PCDH7: variants seen among roughly 807,000 people sequenced by gnomAD.
PCDH7 encodes the protein protocadherin-7.
A neutral mutation model predicts 58.9 loss-of-function variants in PCDH7; 17 were observed. That is an observed-to-expected ratio of 0.29 (90% confidence interval 0.20 to 0.43). The LOEUF (loss-of-function observed/expected upper bound fraction) is 0.43. PCDH7 is among the 20% of genes least tolerant of loss of function. The pLI is 1.00. For missense variants in PCDH7, 1,274 were observed against 1,441.0 expected, an observed-to-expected ratio of 0.88 and a Z score of 1.88; for synonymous variants, 664 against 616.4, an observed-to-expected ratio of 1.08 and a Z score of -1.14.
chr4:31,113,784 T>C (rs1209096462), intron 3 of PCDH7, among the ~76,000 whole-genome samples: 1 of 151,938 alleles, frequency 6.6e-6, no homozygotes, highest in Non-Finnish European at 1.5e-5. Flanking sequence ...CTTTTAATGT[T>C]AACATTTAAT....
Position 30,723,409 on chromosome 4 carries a change from G to A in PCDH7, c.1987G>A (p.Val663Met), listed in dbSNP as rs755434379. The A allele has an allele frequency of 1.4e-5, 23 of 1,614,096 alleles. No homozygotes were observed. The highest frequency in any genetic ancestry group is 9.9e-5 in the South Asian group (9 of 91,090). The stretch of plus-strand genomic sequence containing the variant: ...CAACAGCCCTGTGGGGATGGTCACC[G>A]TGATGGATGCTGACAAGGGGCGGAA... The change falls in exon 1 of 2, where the codon GTG becomes ATG. Residue 663 changes from valine to methionine, a missense_variant. This residue lies in a region of PCDH7 where 731 missense variants were observed against 881.9 expected (regional missense o/e 0.83). Coordinates refer to ENST00000361762, the Ensembl canonical transcript of PCDH7. This position sits in a 1 kb window ranked among gnomAD's most constrained non-coding sequence, Gnocchi z 4.6.
At chr4:30,957,820 A>G (rs537007125) in intron 3 of PCDH7, among the ~76,000 whole-genome samples, 2 of 152,246 alleles carry the variant, frequency 1.3e-5, no homozygotes, top group African/African-American at 4.8e-5. Flanking sequence ...CATGGAAATC[A>G]ATGGAAAAAG....
At chr4:30,747,924 T>A (rs1391319079) in intron 1 of PCDH7, among the ~76,000 whole-genome samples, 2 of 152,188 alleles carry the variant, frequency 1.3e-5, no homozygotes, top group Non-Finnish European at 2.9e-5. Flanking sequence ...AATCTCAACA[T>A]TTTATTACTG....
At chr4:31,129,952 G>A (rs965895712) in intron 3 of PCDH7, among the ~76,000 whole-genome samples, 2 of 151,718 alleles carry the variant, frequency 1.3e-5, no homozygotes, top group Non-Finnish European at 2.9e-5. Context: ...ATTAGGTACA[G>A]TTTTCTGCTA....
intron 2 of PCDH7, among the ~76,000 whole-genome samples, chr4:30,923,789 T>C (rs570690328): frequency 8.5e-4 from 130 of 152,306 alleles, no homozygotes; most frequent in African/African-American, 3.1e-3. Flanking sequence ...TATGATAATT[T>C]CATGCTAATC....
intron 1 of PCDH7, among the ~76,000 whole-genome samples, chr4:30,774,210 G>A (rs1267002878): frequency 1.3e-5 from 2 of 152,014 alleles, no homozygotes; most frequent in Non-Finnish European, 2.9e-5. Context: ...ATATTCCCAA[G>A]AGGATACTTG....
chr4:30,891,966 A>G (rs1205819223), intron 1 of PCDH7, among the ~76,000 whole-genome samples: 1 of 151,988 alleles, frequency 6.6e-6, no homozygotes, highest in East Asian at 1.9e-4. Flanking sequence ...TATAGATAGG[A>G]AAAAGAGAGA....
chr4:30,840,591 A>G (rs1199633795), intron 1 of PCDH7, among the ~76,000 whole-genome samples: 1 of 152,162 alleles, frequency 6.6e-6, no homozygotes, highest in Non-Finnish European at 1.5e-5. Context: ...AATAATGAGA[A>G]AAAAAATGGA....
Position 30,723,900 on chromosome 4 carries a change from G to C in PCDH7, c.2478G>C (p.Gln826His). 1 of 1,613,850 alleles carries C rather than the reference G, an allele frequency of 6.2e-7. No homozygotes were observed. The highest frequency in any genetic ancestry group is 8.5e-7 in the Non-Finnish European group (1 of 1,180,008). Residue 826 changes from glutamine to histidine, a missense_variant, in exon 1 of 2, where the codon CAG (glutamine) becomes CAC (histidine). Coordinates refer to ENST00000361762, the Ensembl canonical transcript of PCDH7. This position sits in a 1 kb window ranked among gnomAD's most constrained non-coding sequence, Gnocchi z 4.6. Reference sequence around the variant, plus strand: ...TGGTGCAAGTGAATGACAGTGGGCAGCCTTCCCAGTCCACCACGACTCTGG... The same window carrying C: ...TGGTGCAAGTGAATGACAGTGGGCACCCTTCCCAGTCCACCACGACTCTGG...
chr4:30,773,229 T>G (rs1161063911), intron 1 of PCDH7, among the ~76,000 whole-genome samples: 1 of 152,222 alleles, frequency 6.6e-6, no homozygotes, highest in Admixed American at 6.5e-5. Context: ...GTGAAGAATT[T>G]CTTGCTAAAA....
intron 1 of PCDH7, among the ~76,000 whole-genome samples, chr4:30,808,904 T>G (rs1726609645): frequency 6.6e-6 from 1 of 152,170 alleles, no homozygotes; most frequent in African/African-American, 2.4e-5. Context: ...TCTTCATCAG[T>G]GACTAATTGC....
intron 1 of PCDH7, among the ~76,000 whole-genome samples, chr4:30,773,627 G>A (rs1721700252): frequency 6.6e-6 from 1 of 152,036 alleles, no homozygotes. Context: ...TTCCACTGAA[G>A]AATCATGGTG....
At chr4:30,974,178 TTC>T in intron 3 of PCDH7, among the ~76,000 whole-genome samples, 1 of 150,852 alleles carries the variant, frequency 6.6e-6, no homozygotes, top group Non-Finnish European at 1.5e-5. Context: ...CTTTTTCTCT[TTC>T]TTTCTTTCTC....
At chr4:31,091,187 T>C (rs1000576209) in intron 3 of PCDH7, among the ~76,000 whole-genome samples, 1 of 151,904 alleles carries the variant, frequency 6.6e-6, no homozygotes, top group South Asian at 2.1e-4. Flanking sequence ...CCATGGGAAA[T>C]AATGAAATGC....
chr4:30,804,227 T>C (rs985420167), intron 1 of PCDH7, among the ~76,000 whole-genome samples: 1 of 152,158 alleles, frequency 6.6e-6, no homozygotes, highest in Non-Finnish European at 1.5e-5. Flanking sequence ...TTGAACATAC[T>C]GTAGGCTAAA....
intron 1 of PCDH7, among the ~76,000 whole-genome samples, chr4:30,782,738 G>T (rs945945565): frequency 1.3e-5 from 2 of 152,220 alleles, no homozygotes; most frequent in Non-Finnish European, 2.9e-5. Flanking sequence ...TTGGACAAAA[G>T]AGATGTGGTT....
At chr4:30,828,632 C>CA (rs34052224) in intron 1 of PCDH7, among the ~76,000 whole-genome samples, 4,253 of 151,800 alleles carry the variant, frequency 0.028, 95 homozygotes, top group East Asian at 0.073. Flanking sequence ...CTCTTGTGTG[C>CA]AAAAAAACAT....
chr4:31,035,852 T>C (rs767181143), intron 3 of PCDH7, among the ~76,000 whole-genome samples: 6 of 152,180 alleles, frequency 3.9e-5, no homozygotes, highest in Non-Finnish European at 7.3e-5. Flanking sequence ...TTCAAAATGT[T>C]TGTGTGTAAT....
chr4:30,878,949 C>T (rs964388918), intron 1 of PCDH7, among the ~76,000 whole-genome samples: 3 of 152,114 alleles, frequency 2.0e-5, no homozygotes, highest in African/African-American at 7.2e-5. Flanking sequence ...TTCGTTGCAG[C>T]AACCTAGCTA....
Sources: allele counts gnomAD v4.1 joint callset (sites outside exome capture counted in the v4.1 genomes callset), GRCh38; gene constraint gnomAD v4.1.1; regional missense constraint gnomAD v4.1.1; non-coding constraint Gnocchi (gnomAD v3.1); transcripts MANE v1.5; gene names NCBI Gene and HGNC (gene_info 2026-07-23, HGNC 2026-07-21).